The following HOXB3 variants were observed in gnomAD, a reference collection of about 807,000 sequenced individuals.
The protein encoded by HOXB3 is homeobox protein Hox-B3.
In HOXB3, 17 loss-of-function variants were observed where a neutral mutation model predicts 29.2. The observed-to-expected ratio is 0.58, with a 90% confidence interval of 0.40 to 0.87. The LOEUF is 0.87. Ranked by LOEUF, HOXB3 falls within the 40% of genes least tolerant of loss-of-function variation. The pLI, the probability that HOXB3 is intolerant of heterozygous loss-of-function variation, is 0.00. For synonymous variants in HOXB3, 317 were observed against 285.9 expected, an observed-to-expected ratio of 1.11 and a Z score of -1.10; for missense variants, 637 against 616.3, an observed-to-expected ratio of 1.03 and a Z score of -0.35.
intron 1 of HOXB3, chr17:48,578,227 G>C (rs762628230): frequency 1.2e-6 from 2 of 1,613,916 alleles, no homozygotes; most frequent in Non-Finnish European, 1.7e-6. Flanking sequence ...GCGAGTGGTC[G>C]CTGGGTAGGT....
intron 2 of HOXB3, chr17:48,556,883 G>T (rs528009597): frequency 1.3e-5 from 2 of 152,310 alleles, no homozygotes; most frequent in South Asian, 2.1e-4. Flanking sequence ...AGAGATGGAA[G>T]ATGGTTATTA....
chr17:48,559,237 G>A (rs1168199250), intron 2 of HOXB3, among the ~76,000 whole-genome samples: 1 of 152,030 alleles, frequency 6.6e-6, no homozygotes, highest in Non-Finnish European at 1.5e-5. Flanking sequence ...CTCGGCGGCG[G>A]GATCGTGCCT....
rs772166761 is a variant in HOXB3, at chr17:48,552,264, C to T, written c.211G>A (p.Gly71Ser). ...GCCAGACCCGGCCTCATGCAGCTGC[C>T]GTTGAGCTCCTTGCTCTTGGCATGT... is the stretch of plus-strand genomic sequence containing the variant. ...APHAKSKELN[G>S]SCMRPGLAPE... Residue 71 changes from glycine to serine, a missense_variant, in exon 4 of 5, where the codon GGC (glycine) becomes AGC (serine). By Grantham distance (56) the Gly-to-Ser change is moderately conservative. Transcript: ENST00000498678. 6 of 1,613,752 alleles carry T rather than the reference C, an allele frequency of 3.7e-6. No individual in the cohort carries two copies. The Admixed American group carries it at 5.0e-5, about 13-fold the overall frequency.
intron 4 of HOXB3, 195 bp from the exon 5 acceptor site, chr17:48,551,376 A>C: frequency 2.1e-6 from 1 of 485,098 alleles, no homozygotes. Flanking sequence ...ACACTCTATA[A>C]TAGTGGCATT....
chr17:48,577,945 G>C, intron 1 of HOXB3: 2 of 1,331,350 alleles, frequency 1.5e-6, no homozygotes, highest in Non-Finnish European at 1.9e-6. Flanking sequence ...GGTGCAGGGG[G>C]TTCTGGGCGC....
chr17:48,567,230 G>A (rs2069419382), intron 2 of HOXB3, among the ~76,000 whole-genome samples: 2 of 152,186 alleles, frequency 1.3e-5, no homozygotes, highest in South Asian at 4.1e-4. Flanking sequence ...GCAGAGTGTG[G>A]GAGCGAGCTC....
At position 48,576,281 on chromosome 17, in the gene HOXB3, G is replaced by GTAA. The variant is rs376184540; in HGVS notation, c.-424-2270_-424-2268dup. ...GCCTCATTTGTTAGCGGGTGTCGAG[G>GTAA]TAATGGTCGCCACCGAGGCCCGTCT... On this transcript the variant is annotated intron_variant, in intron 1 of 4. Coordinates refer to ENST00000498678, the MANE Select transcript of HOXB3 (RefSeq NM_001384749.1). The GTAA allele has an allele frequency of 4.0e-3, 625 of 154,876 alleles. 4 individuals are homozygous for GTAA. The highest frequency in any genetic ancestry group is 0.014 in the African/African-American group (591 of 41,664). The allele number at this position is 154,876 out of a possible 1,614,324, so 9.6% of individuals were successfully genotyped here. A position where few individuals can be genotyped will look rare whatever the true frequency, so the allele number is the denominator to read the frequency against.
chr17:48,560,563 C>T (rs2069156023), intron 2 of HOXB3, among the ~76,000 whole-genome samples: 1 of 152,180 alleles, frequency 6.6e-6, no homozygotes. Context: ...AACCACACTT[C>T]CCAAGGCAGC....
chr17:48,586,467 C>T (rs765447940), intron 1 of HOXB3, among the ~76,000 whole-genome samples: 1 of 152,158 alleles, frequency 6.6e-6, no homozygotes, highest in Admixed American at 6.5e-5. Context: ...GTGTGGCCGG[C>T]GGCGCGTAAT....
intron 1 of HOXB3, chr17:48,575,298 A>T (rs1265867759): frequency 1.2e-4 from 18 of 152,226 alleles, no homozygotes. Flanking sequence ...AAAAATTAAA[A>T]GCCCCAAAAC....
rs1472156950 is a variant in HOXB3 at position 48,550,327 on chromosome 17, T to C, written c.*7A>G. The C allele has an allele frequency of 6.2e-7, 1 of 1,613,746 alleles. No homozygotes were observed. Among genetic ancestry groups the C allele is most frequent in the African/African-American group, 1.3e-5 (1 of 74,944 alleles). ...CCCATCCCCTAATCCTCGTTCGCCCTTTCCCATCACAGGTGTGTTAATTTG... is the reference window on the plus strand; with the variant it reads ...CCCATCCCCTAATCCTCGTTCGCCCCTTCCCATCACAGGTGTGTTAATTTG... On this transcript the variant is annotated 3_prime_UTR_variant, in exon 5 of 5. Coordinates refer to ENST00000498678, the MANE Select transcript of HOXB3 (RefSeq NM_001384749.1).
intron 4 of HOXB3, 36 bp downstream of exon 4, chr17:48,551,991 C>T: frequency 6.6e-7 from 1 of 1,523,062 alleles, no homozygotes; most frequent in Admixed American, 2.1e-5. Context: ...CTGGCTCCGA[C>T]AAAAGCTGAG....
Position 48,552,319 on chromosome 17 carries a change from G to A in HOXB3, c.156C>T (p.Cys52=), listed in dbSNP as rs2068786313. ...CAGCGTTGCCCAGGGACTGCAGCGAGCAAGCTGAGCGCTGGTAGTCGCCCT... is the reference window on the plus strand; with the variant it reads ...CAGCGTTGCCCAGGGACTGCAGCGAACAAGCTGAGCGCTGGTAGTCGCCCT... ...HLEGDYQRSA[C]SLQSLGNAAP... is the part of the protein sequence containing the mutation. The change falls in exon 4 of 5, where the codon TGC becomes TGT. Residue 52 remains cysteine, a synonymous_variant. Transcript: ENST00000498678. 6.8e-6 allele frequency: 11 copies of A among 1,614,118 alleles called. No homozygotes were observed. In the Middle Eastern group the frequency reaches 1.5e-3, roughly 218 times the overall value.
chr17:48,587,071 G>A (rs2070061353), intron 1 of HOXB3, among the ~76,000 whole-genome samples: 1 of 152,262 alleles, frequency 6.6e-6, no homozygotes, highest in African/African-American at 2.4e-5. Context: ...GGAGTTGACT[G>A]TAGAGACTAA....
At chr17:48,565,005 T>C (rs2069342892) in intron 2 of HOXB3, among the ~76,000 whole-genome samples, 1 of 125,952 alleles carries the variant, frequency 7.9e-6, no homozygotes, top group Admixed American at 8.6e-5. Flanking sequence ...AGCATCCGCT[T>C]GTTAAGGCTG....
intron 1 of HOXB3, chr17:48,577,715 A>G (rs2069811136): frequency 1.5e-6 from 1 of 686,136 alleles, no homozygotes; most frequent in Non-Finnish European, 2.0e-6. Flanking sequence ...GGCTCTGAAA[A>G]CAGGCGACCG....
chr17:48,551,149 C>T lies in HOXB3; in HGVS notation c.481G>A (p.Gly161Ser). Residue 161 changes from glycine (G) to serine (S), a missense_variant, in exon 5 of 5, where the codon GGC becomes AGC. Physicochemically the swap from Gly to Ser is moderately conservative, Grantham distance 56. Coordinates refer to ENST00000498678, the MANE Select transcript of HOXB3 (RefSeq NM_001384749.1). Reference protein sequence around the residue: ...EGCGGGGGGGGGGGSGGSGGG... With the variant: ...EGCGGGGGGGSGGGSGGSGGG... Reference sequence around the variant, plus strand: ...CCGCTGCCACCACTGCCTCCGCCGCCGCCGCCACCGCCGCCGCCACCACAG... The same window carrying T: ...CCGCTGCCACCACTGCCTCCGCCGCTGCCGCCACCGCCGCCGCCACCACAG... 2 of 1,302,912 alleles carry T rather than the reference C, an allele frequency of 1.5e-6. No homozygotes were observed. Among genetic ancestry groups the T allele is most frequent in the South Asian group, 2.6e-5 (1 of 38,556 alleles). 80.7% of individuals were successfully genotyped at this position (1,302,912 alleles called of 1,614,324 possible).
At position 48,551,196 on chromosome 17, in the gene HOXB3, GA is replaced by G. The variant is rs1339093759; in HGVS notation, c.449-16del. The G allele has an allele frequency of 7.8e-7, 1 of 1,285,058 alleles. No homozygotes were observed. 79.6% of individuals were successfully genotyped at this position (1,285,058 alleles called of 1,614,324 possible). A position where few individuals can be genotyped will look rare whatever the true frequency, so the allele number is the denominator to read the frequency against. The stretch of plus-strand genomic sequence containing the variant: ...ACAGCCCTCTGCTGGATCCGAGGGG[GA>G]GGGGTGGGAAGGGGAGAAAATGAAA... On this transcript the variant is annotated splice_polypyrimidine_tract_variant and intron_variant, in intron 4 of 4. Coordinates refer to ENST00000498678, the MANE Select transcript of HOXB3 (RefSeq NM_001384749.1).
chr17:48,560,997 A>G (rs770894703), intron 2 of HOXB3, among the ~76,000 whole-genome samples: 1 of 152,210 alleles, frequency 6.6e-6, no homozygotes, highest in African/African-American at 2.4e-5. Flanking sequence ...CCTGACCAAC[A>G]TGGCGAAACC....
Sources: gnomAD v4.1 joint callset for allele counts (sites outside exome capture counted in the v4.1 genomes callset) on GRCh38, gnomAD v4.1.1 for gene constraint, MANE v1.5 for transcripts, NCBI Gene and HGNC (gene_info 2026-07-23, HGNC 2026-07-21) for gene names.